TP63: variants seen among roughly 807,000 people sequenced by gnomAD.
TP63 encodes tumor protein 63.
Under a neutral mutation model 82.8 loss-of-function variants are expected in TP63, and 17 were observed. The observed-to-expected ratio is 0.21, with a 90% CI of 0.14 to 0.31. The LOEUF (loss-of-function observed/expected upper bound fraction) is 0.31. TP63 is among the 10% of genes least tolerant of loss of function. The probability of loss-of-function intolerance (pLI) is 1.00; values close to 1 mark genes in which losing one functional copy is unlikely to be tolerated. For missense variants in TP63, 648 were observed against 895.3 expected (o/e 0.72, Z 3.52); for synonymous variants, 330 against 321.7 (o/e 1.03, Z -0.28).
chr3:189,835,913 CAAAATAAT>C (rs1713068885), intron 4 of TP63, among the ~76,000 whole-genome samples: 1 of 118,370 alleles, frequency 8.4e-6, no homozygotes, highest in Admixed American at 1.0e-4. Flanking sequence ...GACTCCATCT[CAAAATAAT>C]AATAATAATA....
At position 189,691,698 on chromosome 3, in the gene TP63, C is replaced by T. The variant is rs183234860; in HGVS notation, c.63-46042C>T. Among the ~76,000 whole-genome samples the T allele has an allele frequency of 5.3e-5, 8 of 152,282 alleles. No homozygotes were observed. The East Asian group carries it at 1.5e-3, about 29-fold the overall frequency. On this transcript the variant is annotated intron_variant, in intron 1 of 13. Coordinates refer to ENST00000264731, the MANE Select transcript of TP63 (RefSeq NM_003722.5). ...CTGTAAAAGGAAAGCATGTTTCTCACACTAGCTGTGTAAGAGTCTATACTA... is the reference window on the plus strand; with the variant it reads ...CTGTAAAAGGAAAGCATGTTTCTCATACTAGCTGTGTAAGAGTCTATACTA...
At chr3:189,660,890 C>A (rs1392292643) in intron 1 of TP63, among the ~76,000 whole-genome samples, 1 of 151,730 alleles carries the variant, frequency 6.6e-6, no homozygotes, top group Admixed American at 6.6e-5. Context: ...AGAAATGCTA[C>A]TGATAGCATT....
chr3:189,777,842 C>CTT (rs1723924680), intron 3 of TP63, among the ~76,000 whole-genome samples: 1 of 65,928 alleles, frequency 1.5e-5, no homozygotes, highest in African/African-American at 6.6e-5. Flanking sequence ...TCTTCTTCTT[C>CTT]TTCTTTTTTT....
chr3:189,628,534 A>G (rs1729368672), upstream of TP63, among the ~76,000 whole-genome samples: 1 of 152,062 alleles, frequency 6.6e-6, no homozygotes, highest in African/African-American at 2.4e-5. Context: ...TTCCTTAAGT[A>G]CTTTCTTCTC....
At chr3:189,886,346 C>G in intron 10 of TP63, 48 bp from the exon 11 acceptor site, 1 of 1,597,264 alleles carries the variant, frequency 6.3e-7, no homozygotes, top group East Asian at 2.2e-5. Flanking sequence ...ATAGTCCCCA[C>G]TCTTCAGTGT....
At chr3:189,880,517 C>A in intron 10 of TP63, 1 of 999,322 alleles carries the variant, frequency 1.0e-6, no homozygotes, top group Non-Finnish European at 1.2e-6. Flanking sequence ...TTATTGGAAC[C>A]CTTTTCTGTC....
intron 1 of TP63, among the ~76,000 whole-genome samples, chr3:189,671,877 A>T (rs1714920975): frequency 1.3e-5 from 2 of 152,110 alleles, no homozygotes; most frequent in African/African-American, 4.8e-5. Context: ...TGTGGTTATC[A>T]GAGGCTGGGA....
At chr3:189,849,976 T>C (rs1483412032) in intron 4 of TP63, among the ~76,000 whole-genome samples, 2 of 152,158 alleles carry the variant, frequency 1.3e-5, no homozygotes, top group Non-Finnish European at 2.9e-5. Context: ...TATTAAACAT[T>C]TTAAGTGAGA....
chr3:189,793,326 C>T (rs551580413), intron 3 of TP63, among the ~76,000 whole-genome samples: 12 of 152,192 alleles, frequency 7.9e-5, no homozygotes, highest in African/African-American at 1.2e-4. Context: ...TTCTCAACAG[C>T]ATGTCACACG....
intron 1 of TP63, among the ~76,000 whole-genome samples, chr3:189,735,277 T>C (rs1212724214): frequency 1.3e-5 from 2 of 152,224 alleles, no homozygotes; most frequent in East Asian, 3.8e-4. Context: ...TTATCCACGC[T>C]CACAGATTCA....
In TP63 at chr3:189,868,598, A is replaced by G. The variant is rs751454740; in HGVS notation, c.1011A>G (p.Arg337=). The change falls in exon 8 of 14, where the codon CGA becomes CGG. Residue 337 remains arginine (R), a synonymous_variant. Transcript: ENST00000264731. ...TTCCTAGTGGGCAAGTCCTGGGCCGACGCTGCTTTGAGGCCCGGATCTGTG... is the reference window on the plus strand; with the variant it reads ...TTCCTAGTGGGCAAGTCCTGGGCCGGCGCTGCTTTGAGGCCCGGATCTGTG... ...LETRDGQVLG[R]RCFEARICAC... is the part of the protein sequence containing the mutation. 2.5e-6 allele frequency: 4 copies of G among 1,614,096 alleles called. No homozygotes were observed. In the South Asian group the frequency reaches 4.4e-5, roughly 18 times the overall value.
At chr3:189,718,197 C>G (rs1364208947) in intron 1 of TP63, among the ~76,000 whole-genome samples, 4 of 152,082 alleles carry the variant, frequency 2.6e-5, no homozygotes, top group African/African-American at 7.2e-5. Context: ...TAAGGGGACA[C>G]ATGTTCCTGG....
intron 3 of TP63, among the ~76,000 whole-genome samples, chr3:189,778,250 T>C (rs772605567): frequency 1.3e-5 from 2 of 152,236 alleles, no homozygotes; most frequent in Non-Finnish European, 2.9e-5. Context: ...TGTGTTTGTC[T>C]ACAGGTGTAT....
At chr3:189,871,787 T>C (rs1056163801) in intron 9 of TP63, among the ~76,000 whole-genome samples, 1 of 152,090 alleles carries the variant, frequency 6.6e-6, no homozygotes, top group African/African-American at 2.4e-5. Context: ...AGTGGCAGGA[T>C]CATGGTTCAC....
chr3:189,882,209 T>C (rs1181451824), intron 10 of TP63, among the ~76,000 whole-genome samples: 1 of 152,166 alleles, frequency 6.6e-6, no homozygotes, highest in Non-Finnish European at 1.5e-5. Context: ...TATTTGCTTT[T>C]CTTTCAGAAG....
chr3:189,792,955 TGA>T (rs1324122796), intron 3 of TP63, among the ~76,000 whole-genome samples: 2 of 152,078 alleles, frequency 1.3e-5, no homozygotes, highest in Non-Finnish European at 2.9e-5. Context: ...GATATGGGTG[TGA>T]GTTTTCTATT....
At chr3:189,851,427 T>C (rs1437339046) in intron 4 of TP63, among the ~76,000 whole-genome samples, 1 of 151,778 alleles carries the variant, frequency 6.6e-6, no homozygotes. Context: ...AAAAAAAAAT[T>C]AACCGGGCGT....
In TP63 at chr3:189,783,434, A is replaced by G. The variant is rs192097593; in HGVS notation, c.325-24838A>G. On this transcript the variant is annotated intron_variant, in intron 3 of 13. Coordinates refer to ENST00000264731, the MANE Select transcript of TP63 (RefSeq NM_003722.5). ...TAAATGACTGCAATTTATTCCATACATTGTGTATTTTCTATATTTTCAACA... is the reference window on the plus strand; with the variant it reads ...TAAATGACTGCAATTTATTCCATACGTTGTGTATTTTCTATATTTTCAACA... Among the ~76,000 whole-genome samples the G allele has an allele frequency of 4.5e-3, 687 of 152,048 alleles. 7 individuals are homozygous for G. The highest frequency in any genetic ancestry group is 0.015 in the African/African-American group (633 of 41,550).
chr3:189,709,725 G>T (rs1434802710), intron 1 of TP63, among the ~76,000 whole-genome samples: 3 of 152,096 alleles, frequency 2.0e-5, no homozygotes, highest in Non-Finnish European at 2.9e-5. Flanking sequence ...CAGATCATTT[G>T]TCCTGTTCTC....
Sources: allele counts gnomAD v4.1 joint callset (sites outside exome capture counted in the v4.1 genomes callset), GRCh38; gene constraint gnomAD v4.1.1; transcripts MANE v1.5; gene names NCBI Gene and HGNC (gene_info 2026-07-23, HGNC 2026-07-21).